Variants in SMARCA2 observed in about 807,000 individuals in gnomAD.
SMARCA2 encodes the protein SWI/SNF-related matrix-associated actin-dependent regulator of chromatin subfamily A member 2.
A neutral mutation model predicts 199.8 loss-of-function variants in SMARCA2; 61 were observed. That is an observed-to-expected ratio of 0.31 (90% CI 0.25 to 0.38). The LOEUF is 0.38. SMARCA2 is among the 10% of genes least tolerant of loss of function. The pLI is 1.00. For synonymous variants in SMARCA2, 935 were observed against 732.0 expected (o/e 1.28, Z -4.48); for missense variants, 1,344 against 2,012.2 (o/e 0.67, Z 6.35).
At chr9:2,124,694 T>C (rs1823611297) in intron 27 of SMARCA2, among the ~76,000 whole-genome samples, 1 of 152,190 alleles carries the variant, frequency 6.6e-6, no homozygotes, top group African/African-American at 2.4e-5. Flanking sequence ...CTTTGGAAAA[T>C]GGTGATTTCT....
intron 27 of SMARCA2, among the ~76,000 whole-genome samples, chr9:2,152,813 C>A (rs966750604): frequency 6.6e-6 from 1 of 152,042 alleles, no homozygotes; most frequent in African/African-American, 2.4e-5. Flanking sequence ...GATCACGCCA[C>A]TGCACTCCAG....
At chr9:2,088,894 T>TTTTTTTTA (rs1554624155) in intron 19 of SMARCA2, among the ~76,000 whole-genome samples, 5 of 151,366 alleles carry the variant, frequency 3.3e-5, no homozygotes, top group South Asian at 2.1e-4. Flanking sequence ...TTTTTTTTTT[T>TTTTTTTTA]AAATTACGGA....
In SMARCA2 at chr9:2,161,200, C is replaced by G. The variant is rs1825654014; in HGVS notation, c.3982-486C>G. 6.6e-6 allele frequency among the ~76,000 whole-genome samples: 1 copy of G among 152,162 alleles called. No homozygotes were observed. Among genetic ancestry groups the G allele is most frequent in the Non-Finnish European group, 1.5e-5 (1 of 68,028 alleles). On this transcript the variant is annotated intron_variant, in intron 27 of 33. Coordinates refer to ENST00000349721, the MANE Select transcript of SMARCA2 (RefSeq NM_003070.5). The surrounding 1 kb of genome is among the most constrained non-coding windows in gnomAD (Gnocchi z 4.7). The stretch of plus-strand genomic sequence containing the variant: ...TGGAATTTTGATTTATATTGTTAAT[C>G]ATGAATAAATTGATGCAAAACCTGA...
rs1375009012 is a variant in SMARCA2 at position 2,056,983 on chromosome 9, G to T, written c.1347+138G>T. The T allele has an allele frequency of 1.4e-6, 1 of 710,994 alleles. No individual in the cohort carries two copies. The highest frequency in any genetic ancestry group is 2.3e-6 in the Non-Finnish European group (1 of 434,622). 44.0% of individuals were successfully genotyped at this position (710,994 alleles called of 1,614,324 possible). A position where few individuals can be genotyped will look rare whatever the true frequency, so the allele number is the denominator to read the frequency against. On this transcript the variant is annotated intron_variant, in intron 7 of 33. Coordinates refer to ENST00000349721, the MANE Select transcript of SMARCA2 (RefSeq NM_003070.5). The surrounding 1 kb of genome is among the most constrained non-coding windows in gnomAD (Gnocchi z 4.0). The stretch of plus-strand genomic sequence containing the variant: ...ACAGAACAGAACGGTTCCTTGACAT[G>T]TACATAATCCAACCACATCATTTTA...
rs1819474162 is a variant in SMARCA2, at chr9:2,039,327, C to G, written c.356-139C>G. 5.3e-6 allele frequency: 4 copies of G among 754,470 alleles called. No individual in the cohort carries two copies. The highest frequency in any genetic ancestry group is 6.3e-6 in the Non-Finnish European group (3 of 476,460). 46.7% of individuals were successfully genotyped at this position (754,470 alleles called of 1,614,324 possible). A position where few individuals can be genotyped will look rare whatever the true frequency, so the allele number is the denominator to read the frequency against. ...TATTGATATGTAAAGATCTTAAACT[C>G]CATATAATTAATAAATGATATGTCA... On this transcript the variant is annotated intron_variant, in intron 3 of 33. Transcript: ENST00000349721. This position sits in a 1 kb window ranked among gnomAD's most constrained non-coding sequence, Gnocchi z 4.8.
At chr9:2,139,334 T>C (rs1586745207) in intron 27 of SMARCA2, among the ~76,000 whole-genome samples, 1 of 151,642 alleles carries the variant, frequency 6.6e-6, no homozygotes, top group Non-Finnish European at 1.5e-5. Context: ...GGCAGGGGGG[T>C]AGAGAATGGG....
rs116085507 is a variant in SMARCA2, at chr9:2,063,565, A to C, written c.1692+2579A>C. Among the ~76,000 whole-genome samples, 689 of 152,322 alleles carry C rather than the reference A, an allele frequency of 4.5e-3. 5 individuals are homozygous for C. Among genetic ancestry groups the C allele is most frequent in the African/African-American group, 0.016 (667 of 41,564 alleles). ...ATAAACCTTTGTTTTGAGAAAACCTACTTTACTCAGTGAGCTAGTAGTTAA... is the reference window on the plus strand; with the variant it reads ...ATAAACCTTTGTTTTGAGAAAACCTCCTTTACTCAGTGAGCTAGTAGTTAA... On this transcript the variant is annotated intron_variant, in intron 9 of 33. Transcript: ENST00000349721.
At chr9:2,093,348 C>T (rs114989419) in intron 19 of SMARCA2, among the ~76,000 whole-genome samples, 84 of 152,302 alleles carry the variant, frequency 5.5e-4, no homozygotes, top group African/African-American at 1.9e-3. Context: ...AAAAAGTCTT[C>T]ACTGATATTT....
At chr9:2,127,840 T>A (rs1823763724) in intron 27 of SMARCA2, among the ~76,000 whole-genome samples, 1 of 152,232 alleles carries the variant, frequency 6.6e-6, no homozygotes, top group South Asian at 2.1e-4. Flanking sequence ...TTTGTAATCA[T>A]GGCATGCTAA....
At chr9:2,142,845 C>T (rs1355558669) in intron 27 of SMARCA2, among the ~76,000 whole-genome samples, 3 of 152,116 alleles carry the variant, frequency 2.0e-5, no homozygotes, top group Non-Finnish European at 4.4e-5. Flanking sequence ...CCCTAGCAAG[C>T]TCTGTCATCC....
intron 29 of SMARCA2, among the ~76,000 whole-genome samples, chr9:2,178,145 G>C (rs1283986967): frequency 6.6e-6 from 1 of 151,936 alleles, no homozygotes; most frequent in African/African-American, 2.4e-5. Flanking sequence ...TTTCCATCTC[G>C]TACTCTATGG....
At position 2,017,122 on chromosome 9, in the gene SMARCA2, T is replaced by A. The variant is rs1468743985; in HGVS notation, c.-37+1718T>A. The A allele has an allele frequency of 6.6e-6, 1 of 152,342 alleles. No homozygotes were observed. The highest frequency in any genetic ancestry group is 1.5e-5 in the Non-Finnish European group (1 of 68,236). The allele number at this position is 152,342 out of a possible 1,614,324, so 9.4% of individuals were successfully genotyped here. On this transcript the variant is annotated intron_variant, in intron 1 of 33. Transcript: ENST00000349721. The surrounding 1 kb of genome is among the most constrained non-coding windows in gnomAD (Gnocchi z 8.8). ...ACGCGGGGAAATCGCCTCCTGCCAG[T>A]GTCTGATCGCTCGCCTCCGCCTCCG...
At chr9:2,160,763 A>T in intron 27 of SMARCA2, 1 of 412,206 alleles carries the variant, frequency 2.4e-6, no homozygotes, top group Non-Finnish European at 4.3e-6. Context: ...AACGTAATTT[A>T]AAGATCTTTT....
Position 2,115,732 on chromosome 9 carries a change from C to A in SMARCA2, c.3457-90C>A, listed in dbSNP as rs772963072. ...ACCTTAGTGAAGGTGAAATACAGAA[C>A]CCTTCCATATTTCCCTCTGGGGTGG... On this transcript the variant is annotated intron_variant, in intron 24 of 33. Transcript: ENST00000349721. This position sits in a 1 kb window ranked among gnomAD's most constrained non-coding sequence, Gnocchi z 6.0. 7.3e-6 allele frequency: 7 copies of A among 956,924 alleles called. No homozygotes were observed. The highest frequency in any genetic ancestry group is 8.1e-6 in the Non-Finnish European group (5 of 617,790). 59.3% of individuals were successfully genotyped at this position (956,924 alleles called of 1,614,324 possible).
chr9:2,182,994 T>C (rs994961598), intron 31 of SMARCA2, among the ~76,000 whole-genome samples: 2 of 152,086 alleles, frequency 1.3e-5, no homozygotes, highest in African/African-American at 4.8e-5. Context: ...TTTCACCATG[T>C]TAGCCAGGCT....
intron 8 of SMARCA2, among the ~76,000 whole-genome samples, chr9:2,059,149 C>T (rs1820477054): frequency 6.6e-6 from 1 of 152,036 alleles, no homozygotes; most frequent in South Asian, 2.1e-4. Context: ...CCTCAGAGCA[C>T]ACTGTGGATT....
rs34577677 is a variant in SMARCA2 at position 2,110,192 on chromosome 9, C to G, written c.3293-62C>G. The G allele has an allele frequency of 4.3e-3, 5,848 of 1,375,560 alleles. 16 individuals carry two copies. Among genetic ancestry groups the G allele is most frequent in the Non-Finnish European group, 5.3e-3 (5,361 of 1,006,536 alleles). 85.2% of individuals were successfully genotyped at this position (1,375,560 alleles called of 1,614,324 possible). The stretch of plus-strand genomic sequence containing the variant: ...TCTTGAAGGAAGCAAGCCTTTTTGT[C>G]TCATTCTGTGCCATTTTCAGACAAG... On this transcript the variant is annotated intron_variant, in intron 23 of 33. Transcript: ENST00000349721. This position sits in a 1 kb window ranked among gnomAD's most constrained non-coding sequence, Gnocchi z 4.8.
chr9:2,188,121 T>C (rs921003395), intron 32 of SMARCA2, among the ~76,000 whole-genome samples: 1 of 152,200 alleles, frequency 6.6e-6, no homozygotes, highest in Non-Finnish European at 1.5e-5. Flanking sequence ...GAAAATGTAA[T>C]GATTTTTGTA....
intron 3 of SMARCA2, among the ~76,000 whole-genome samples, chr9:2,038,307 T>C (rs76380333): frequency 0.029 from 4,478 of 152,294 alleles, 67 homozygotes; most frequent in Middle Eastern, 0.088. Flanking sequence ...TCTTTTAGGT[T>C]GTTGTAAGGA....
Sources: allele counts gnomAD v4.1 joint callset (sites outside exome capture counted in the v4.1 genomes callset), GRCh38; gene constraint gnomAD v4.1.1; non-coding constraint Gnocchi (gnomAD v3.1); transcripts MANE v1.5; gene names NCBI Gene and HGNC (gene_info 2026-07-23, HGNC 2026-07-21).